ATXN2L: variants seen among roughly 807,000 people sequenced by gnomAD.
ATXN2L encodes ataxin-2-like protein.
Under a neutral mutation model 120.7 loss-of-function variants are expected in ATXN2L, and 24 were observed. The ratio of observed to expected loss-of-function variants is 0.20; its 90% confidence interval spans 0.14 to 0.28. The LOEUF is 0.28. ATXN2L is among the 10% of genes least tolerant of loss of function. The probability of loss-of-function intolerance (pLI) is 1.00; values close to 1 mark genes in which losing one functional copy is unlikely to be tolerated. For missense variants in ATXN2L, 1,312 were observed against 1,432.3 expected, an observed-to-expected ratio of 0.92 and a Z score of 1.36; for synonymous variants, 653 against 568.1, an observed-to-expected ratio of 1.15 and a Z score of -2.13.
In ATXN2L at chr16:28,833,519, A is replaced by T; in HGVS notation, c.2025+11A>T. 1 of 1,614,076 alleles carries T rather than the reference A, an allele frequency of 6.2e-7. No homozygotes were observed. Among genetic ancestry groups the T allele is most frequent in the Non-Finnish European group, 8.5e-7 (1 of 1,179,930 alleles). On this transcript the variant is annotated intron_variant, in intron 15 of 21. Coordinates refer to ENST00000336783, the MANE Select transcript of ATXN2L (RefSeq NM_007245.4). ...CCTCTGCTGTCTGTGGTGAGCTGGG[A>T]CAGGAGAATGTGGACTTTGGTTTCT...
At chr16:28,834,935 T>C (rs564929405) in intron 18 of ATXN2L, 123 bp from the exon 19 acceptor site, 60 of 1,346,476 alleles carry the variant, frequency 4.5e-5, no homozygotes, top group South Asian at 1.4e-4. Context: ...GGGATCGTTA[T>C]GAATGTTGAA....
intron 6 of ATXN2L, 140 bp from the exon 7 acceptor site, chr16:28,829,261 C>T (rs2053481869): frequency 3.1e-6 from 2 of 645,660 alleles, no homozygotes; most frequent in Non-Finnish European, 5.6e-6. Flanking sequence ...CCTCAGCTTC[C>T]CAAAGTACTG....
intron 1 of ATXN2L, among the ~76,000 whole-genome samples, chr16:28,824,863 C>T (rs1173671449): frequency 6.6e-6 from 1 of 152,098 alleles, no homozygotes; most frequent in Non-Finnish European, 1.5e-5. Flanking sequence ...AATGTGTTTG[C>T]TGGCTTATTA....
In ATXN2L at chr16:28,834,088, T is replaced by A. The variant is rs1332894563; in HGVS notation, c.2049T>A (p.Thr683=). 1 of 1,613,954 alleles carries A rather than the reference T, an allele frequency of 6.2e-7. No homozygotes were observed. The highest frequency in any genetic ancestry group is 1.1e-5 in the South Asian group (1 of 91,060). ...AGAATAAATCCACCAGTACCCCAAC[T>A]TCTCCGGGGCCCCGGACTCATTCAA... is the stretch of plus-strand genomic sequence containing the variant. ...LSVNKSTSTP[T]SPGPRTHSTP... is the part of the protein sequence containing the mutation. Residue 683 remains threonine, a synonymous_variant, in exon 16 of 22, where the codon ACT becomes ACA. Coordinates refer to ENST00000336783, the MANE Select transcript of ATXN2L (RefSeq NM_007245.4).
At chr16:28,830,528 G>T in intron 8 of ATXN2L, 87 bp from the exon 9 acceptor site, 2 of 1,323,352 alleles carry the variant, frequency 1.5e-6, no homozygotes, top group Non-Finnish European at 1.0e-6. Flanking sequence ...GGGGGCAGAA[G>T]GGGGAGACTT....
rs1259337049 is a variant in ATXN2L at position 28,825,691 on chromosome 16, A to G, written c.393+11A>G. The G allele has an allele frequency of 1.2e-6, 2 of 1,614,104 alleles. No individual in the cohort carries two copies. Among genetic ancestry groups the G allele is most frequent in the Non-Finnish European group, 8.5e-7 (1 of 1,179,944 alleles). On this transcript the variant is annotated intron_variant, in intron 3 of 21. Coordinates refer to ENST00000336783, the MANE Select transcript of ATXN2L (RefSeq NM_007245.4). ...CTTACAGCTGTTGTGGTAAGTTGGT[A>G]CTTAACCCCCGGGTTGTTTAAGGAA...
intron 6 of ATXN2L, 36 bp from the exon 7 acceptor site, chr16:28,829,365 C>T (rs746754624): frequency 2.1e-6 from 3 of 1,446,054 alleles, no homozygotes; most frequent in Non-Finnish European, 2.9e-6. Context: ...GTTGCTTTTC[C>T]TGCTGGGTTT....
rs896956785 is a variant in ATXN2L at position 28,834,817 on chromosome 16, G to T, written c.2433+124G>T. 2.8e-5 allele frequency: 35 copies of T among 1,266,340 alleles called. No homozygotes were observed. In the Admixed American group the frequency reaches 9.2e-4, roughly 33 times the overall value. The allele number at this position is 1,266,340 out of a possible 1,614,324, so 78.4% of individuals were successfully genotyped here. A position where few individuals can be genotyped will look rare whatever the true frequency, so the allele number is the denominator to read the frequency against. On this transcript the variant is annotated intron_variant, in intron 18 of 21. Coordinates refer to ENST00000336783, the MANE Select transcript of ATXN2L (RefSeq NM_007245.4). ...TTGTAGGTGGGATCGGCCCTCTGTG[G>T]TATTGGCGGTGTCAGACTTGGGCTT...
At chr16:28,835,445 T>C (rs1358875328) in intron 20 of ATXN2L, 46 bp downstream of exon 20, 3 of 1,611,634 alleles carry the variant, frequency 1.9e-6, no homozygotes, top group Non-Finnish European at 2.5e-6. Context: ...CAGGAATGGG[T>C]GGCCAGAAGA....
intron 8 of ATXN2L, 57 bp from the exon 9 acceptor site, chr16:28,830,558 A>G (rs887287764): frequency 1.3e-5 from 19 of 1,481,472 alleles, no homozygotes; most frequent in Non-Finnish European, 1.5e-5. Flanking sequence ...AAATGGCTTC[A>G]TCTTTCCAAA....
Position 28,836,490 on chromosome 16 carries a change from G to C in ATXN2L, c.*225G>C. ...CTGTCTCCTGACTTAGCCGAGGTAAGGTCAGTGCAGCAGACAGGGCCAGAC... is the reference window on the plus strand; with the variant it reads ...CTGTCTCCTGACTTAGCCGAGGTAACGTCAGTGCAGCAGACAGGGCCAGAC... On this transcript the variant is annotated 3_prime_UTR_variant, in exon 22 of 22. Transcript: ENST00000336783. 6.2e-7 allele frequency: 1 copy of C among 1,608,782 alleles called. No homozygotes were observed. The highest frequency in any genetic ancestry group is 1.1e-5 in the South Asian group (1 of 90,474).
Position 28,823,420 on chromosome 16 carries a change from C to T in ATXN2L, c.161C>T (p.Ala54Val). ...TSAAPPGPPA[A>V]ASPCLGPVAA... ...GCGGCTCCTCCCGGGCCTCCAGCGG[C>T]CGCCTCCCCCTGCCTGGGGCCTGTG... is the stretch of plus-strand genomic sequence containing the variant. The change falls in exon 1 of 22, where the codon GCC becomes GTC. Residue 54 changes from alanine to valine, a missense_variant. Coordinates refer to ENST00000336783, the MANE Select transcript of ATXN2L (RefSeq NM_007245.4). 1 of 1,302,270 alleles carries T rather than the reference C, an allele frequency of 7.7e-7. No homozygotes were observed. Among genetic ancestry groups the T allele is most frequent in the South Asian group, 2.3e-5 (1 of 43,414 alleles). 80.7% of individuals were successfully genotyped at this position (1,302,270 alleles called of 1,614,324 possible).
rs1320905408 is a variant in ATXN2L at position 28,826,237 on chromosome 16, T to C, written c.466-3T>C. On this transcript the variant is annotated splice_region_variant and splice_polypyrimidine_tract_variant and intron_variant, in intron 4 of 21. Transcript: ENST00000336783. ...ATGGGTGTGGGGAATGGGGTGTTTG[T>C]AGTTTGAACTAGCCGTGGATGCTGT... The C allele has an allele frequency of 3.7e-6, 6 of 1,614,080 alleles. No homozygotes were observed. The highest frequency in any genetic ancestry group is 5.1e-6 in the Non-Finnish European group (6 of 1,179,956).
rs772388995 is a variant in ATXN2L at position 28,836,753 on chromosome 16, C to G, written c.*488C>G. 2 of 1,614,038 alleles carry G rather than the reference C, an allele frequency of 1.2e-6. No individual in the cohort carries two copies. The highest frequency in any genetic ancestry group is 1.7e-6 in the Non-Finnish European group (2 of 1,179,978). ...TTCAATCTCATCCCTCCCAGCAGCT[C>G]CCCTTCCACCCCCCGGGGAACTGAA... On this transcript the variant is annotated 3_prime_UTR_variant, in exon 22 of 22. Transcript: ENST00000336783.
rs2152131446 is a variant in ATXN2L, at chr16:28,836,789, G to A, written c.*524G>A. Reference sequence around the variant, plus strand: ...CCCCGGGGAACTGAAGATTGTCCTGGCCGCGACCTGAGACCTCCATGAGTG... The same window carrying A: ...CCCCGGGGAACTGAAGATTGTCCTGACCGCGACCTGAGACCTCCATGAGTG... On this transcript the variant is annotated 3_prime_UTR_variant, in exon 22 of 22. Coordinates refer to ENST00000336783, the MANE Select transcript of ATXN2L (RefSeq NM_007245.4). 6.2e-7 allele frequency: 1 copy of A among 1,613,890 alleles called. No homozygotes were observed. The highest frequency in any genetic ancestry group is 8.5e-7 in the Non-Finnish European group (1 of 1,179,926).
chr16:28,831,416 C>T (rs190666858), intron 10 of ATXN2L, among the ~76,000 whole-genome samples: 1 of 152,254 alleles, frequency 6.6e-6, no homozygotes, highest in Non-Finnish European at 1.5e-5. Flanking sequence ...CAGCCTCCAC[C>T]CCTCAGATTC....
chr16:28,833,453 C>A lies in ATXN2L; in HGVS notation c.1970C>A (p.Ser657Ter). The A allele has an allele frequency of 1.2e-6, 2 of 1,614,188 alleles. No individual in the cohort carries two copies. The highest frequency in any genetic ancestry group is 2.2e-5 in the South Asian group (2 of 91,072). ...TTCTCTCACAGACAAGTAAAGAAATCAACGTTGAACCCTAATGCTAAGGAG... is the reference window on the plus strand; with the variant it reads ...TTCTCTCACAGACAAGTAAAGAAATAAACGTTGAACCCTAATGCTAAGGAG... ...EGPVAEQVKK[S>*]TLNPNAKEFN... Residue 657 changes from serine (S) to a stop codon, truncating the protein, a stop_gained, in exon 15 of 22, where the codon TCA (serine) becomes TAA (stop). Coordinates refer to ENST00000336783, the MANE Select transcript of ATXN2L (RefSeq NM_007245.4). LOFTEE classifies it high-confidence loss of function.
chr16:28,831,174 A>G (rs2054263371), intron 10 of ATXN2L, 102 bp downstream of exon 10: 1 of 873,552 alleles, frequency 1.1e-6, no homozygotes, highest in Non-Finnish European at 1.7e-6. Context: ...TAATTTTAAG[A>G]TAGATGTTTT....
intron 10 of ATXN2L, 77 bp from the exon 11 acceptor site, chr16:28,832,128 G>A (rs2054718773): frequency 6.7e-7 from 1 of 1,487,170 alleles, no homozygotes. Context: ...AAACTTTCTT[G>A]CTGTTTTGAG....
Sources: gnomAD v4.1 joint callset for allele counts (sites outside exome capture counted in the v4.1 genomes callset) on GRCh38, gnomAD v4.1.1 for gene constraint, MANE v1.5 for transcripts, NCBI Gene and HGNC (gene_info 2026-07-23, HGNC 2026-07-21) for gene names.